PCDH9: variants seen among roughly 807,000 people sequenced by gnomAD.
PCDH9 encodes protocadherin 9.
PCDH9 carries 24 observed loss-of-function variants against 70.6 expected under a neutral mutation model. The ratio of observed to expected loss-of-function variants is 0.34; its 90% CI spans 0.25 to 0.48. The LOEUF is 0.48. PCDH9 is among the 20% of genes least tolerant of loss of function. The pLI, the probability that PCDH9 is intolerant of heterozygous loss-of-function variation, is 0.99. For missense variants in PCDH9, 1,281 were observed against 1,503.6 expected, an observed-to-expected ratio of 0.85 and a Z score of 2.45; for synonymous variants, 562 against 558.5, an observed-to-expected ratio of 1.01 and a Z score of -0.09.
At chr13:66,757,470 A>T (rs112327892) in intron 3 of PCDH9, among the ~76,000 whole-genome samples, 4 of 152,124 alleles carry the variant, frequency 2.6e-5, no homozygotes, top group Admixed American at 1.3e-4. Context: ...TTAATTTACC[A>T]TCATTGGGTT....
At chr13:66,939,775 G>T (rs1304403878) in intron 2 of PCDH9, among the ~76,000 whole-genome samples, 5 of 151,986 alleles carry the variant, frequency 3.3e-5, no homozygotes, top group Non-Finnish European at 4.4e-5. Context: ...TAAAAATTAT[G>T]AATGAAAATG....
intron 2 of PCDH9, chr13:66,985,421 A>G (rs2083871194): frequency 6.6e-6 from 1 of 152,158 alleles, no homozygotes; most frequent in Admixed American, 6.6e-5. Flanking sequence ...TTGACCCATG[A>G]ATAAGTAACT....
intron 4 of PCDH9, among the ~76,000 whole-genome samples, chr13:66,427,997 GT>G (rs1957703603): frequency 6.6e-6 from 1 of 151,656 alleles, no homozygotes; most frequent in Admixed American, 6.6e-5. Flanking sequence ...TATTAACTAA[GT>G]TTGCAAATGA....
At chr13:66,899,724 G>T (rs1341873655) in intron 3 of PCDH9, among the ~76,000 whole-genome samples, 1 of 151,822 alleles carries the variant, frequency 6.6e-6, no homozygotes, top group African/African-American at 2.4e-5. Context: ...CTTATTAAAG[G>T]CATTATGCAT....
intron 3 of PCDH9, among the ~76,000 whole-genome samples, chr13:66,809,464 T>C (rs1261599135): frequency 6.6e-6 from 1 of 152,184 alleles, no homozygotes; most frequent in Non-Finnish European, 1.5e-5. Context: ...GCTTAAATTA[T>C]TACCAAATCT....
chr13:67,189,311 T>C (rs1315621857), intron 2 of PCDH9, among the ~76,000 whole-genome samples: 1 of 152,042 alleles, frequency 6.6e-6, no homozygotes, highest in Non-Finnish European at 1.5e-5. Flanking sequence ...ACTGTAACTT[T>C]CAAGATTTTT....
At chr13:66,951,152 T>C (rs530330114) in intron 2 of PCDH9, among the ~76,000 whole-genome samples, 1 of 152,312 alleles carries the variant, frequency 6.6e-6, no homozygotes, top group South Asian at 2.1e-4. Flanking sequence ...AATTGCTTCA[T>C]AATGACGAAA....
At chr13:66,499,340 T>C (rs1959165270) in intron 4 of PCDH9, among the ~76,000 whole-genome samples, 1 of 152,154 alleles carries the variant, frequency 6.6e-6, no homozygotes, top group South Asian at 2.1e-4. Context: ...ATTTCTAAGA[T>C]ATACATACTT....
Position 66,395,652 on chromosome 13 carries a change from G to A in PCDH9, c.3341-90624C>T, listed in dbSNP as rs553561111. Among the ~76,000 whole-genome samples the A allele has an allele frequency of 1.2e-3, 183 of 151,846 alleles. 12 individuals carry two copies. Among genetic ancestry groups the A allele is most frequent in the South Asian group, 1.0e-3 (5 of 4,804 alleles). ...ATAAAATAAAAAACAAACTGAGTTC[G>A]TACAGTACCCAAATAACAGAAGTCA... On this transcript the variant is annotated intron_variant, in intron 4 of 4. Coordinates refer to ENST00000377865, the MANE Select transcript of PCDH9 (RefSeq NM_203487.3).
chr13:66,445,302 T>C (rs941958631), intron 4 of PCDH9, among the ~76,000 whole-genome samples: 1 of 147,696 alleles, frequency 6.8e-6, no homozygotes, highest in Admixed American at 6.8e-5. Context: ...CTTTGTCCTC[T>C]TCTGATTCCT....
At chr13:67,215,303 A>C (rs2089576551) in intron 2 of PCDH9, 1 of 151,938 alleles carries the variant, frequency 6.6e-6, no homozygotes, top group Non-Finnish European at 1.5e-5. Flanking sequence ...ATCACTATTC[A>C]GTTATTATTT....
At chr13:66,871,890 T>C (rs570246552) in intron 3 of PCDH9, among the ~76,000 whole-genome samples, 26 of 152,206 alleles carry the variant, frequency 1.7e-4, no homozygotes, top group African/African-American at 6.0e-4. Context: ...TTTCATTGCA[T>C]AACAAATTTA....
intron 3 of PCDH9, among the ~76,000 whole-genome samples, chr13:66,802,159 A>G (rs568673480): frequency 6.6e-6 from 1 of 151,946 alleles, no homozygotes; most frequent in South Asian, 2.1e-4. Flanking sequence ...TATTTGTTTT[A>G]GTCTGCCCTT....
chr13:66,877,632 ATT>A (rs940783465), intron 3 of PCDH9, among the ~76,000 whole-genome samples: 11 of 152,028 alleles, frequency 7.2e-5, no homozygotes, highest in African/African-American at 2.7e-4. Context: ...TTTTACTACA[ATT>A]TTTCCCTCTA....
At chr13:67,184,967 G>C (rs1349329191) in intron 2 of PCDH9, among the ~76,000 whole-genome samples, 1 of 151,950 alleles carries the variant, frequency 6.6e-6, no homozygotes, top group African/African-American at 2.4e-5. Flanking sequence ...CAGAATCTCC[G>C]TACTACATAG....
At chr13:66,683,549 G>T (rs1827454741) in intron 3 of PCDH9, among the ~76,000 whole-genome samples, 1 of 152,160 alleles carries the variant, frequency 6.6e-6, no homozygotes, top group Admixed American at 6.5e-5. Context: ...CACTCACTAT[G>T]TTGGTGGGCA....
intron 4 of PCDH9, among the ~76,000 whole-genome samples, chr13:66,553,301 A>C (rs1961579274): frequency 6.6e-6 from 1 of 152,190 alleles, no homozygotes; most frequent in South Asian, 2.1e-4. Context: ...AGAATAGTTG[A>C]AATTTACTAA....
intron 4 of PCDH9, among the ~76,000 whole-genome samples, chr13:66,343,592 C>T (rs866782368): frequency 7.2e-5 from 11 of 152,196 alleles, no homozygotes; most frequent in Admixed American, 4.6e-4. Context: ...CTGACTTCCC[C>T]TTTTATCCTA....
intron 4 of PCDH9, among the ~76,000 whole-genome samples, chr13:66,575,016 T>C (rs961147924): frequency 1.3e-5 from 2 of 151,798 alleles, no homozygotes; most frequent in African/African-American, 4.8e-5. Context: ...CTACTAAAAA[T>C]ACAAAAATTA....
Sources: gnomAD v4.1 joint callset for allele counts (sites outside exome capture counted in the v4.1 genomes callset) on GRCh38, gnomAD v4.1.1 for gene constraint, MANE v1.5 for transcripts, NCBI Gene and HGNC (gene_info 2026-07-23, HGNC 2026-07-21) for gene names.